The following F5 variants were observed in gnomAD, a reference collection of about 807,000 sequenced individuals.
The protein encoded by F5 is coagulation factor V, also known as activated protein c cofactor.
A neutral mutation model predicts 216.4 loss-of-function variants in F5; 138 were observed. The observed-to-expected ratio is 0.64, with a 90% CI of 0.56 to 0.73. The LOEUF (loss-of-function observed/expected upper bound fraction) is 0.73, where lower values mean the gene tolerates loss of function less well. F5 is among the 30% of genes least tolerant of loss of function. The pLI, the probability that F5 is intolerant of heterozygous loss-of-function variation, is 0.00. For missense variants in F5, 2,403 were observed against 2,674.0 expected (o/e 0.90, Z 2.24); for synonymous variants, 916 against 930.7 (o/e 0.98, Z 0.29).
chr1:169,526,077 T>C lies in F5; in HGVS notation c.5600-60A>G. On this transcript the variant is annotated intron_variant, in intron 17 of 24. Transcript: ENST00000367797. Reference sequence around the variant, plus strand: ...ATTAACAAGTAAATATTGTGGTTGATAGTTCTCTAAGAATCCTAAAATTCC... The same window carrying C: ...ATTAACAAGTAAATATTGTGGTTGACAGTTCTCTAAGAATCCTAAAATTCC... The C allele has an allele frequency of 2.6e-6, 3 of 1,164,038 alleles. No homozygotes were observed. In the Admixed American group the frequency reaches 5.1e-5, roughly 20 times the overall value. The allele number at this position is 1,164,038 out of a possible 1,614,324, so 72.1% of individuals were successfully genotyped here.
At position 169,556,753 on chromosome 1, in the gene F5, T is replaced by C; in HGVS notation, c.845A>G (p.Lys282Arg). ...ACTGACAAGGGTGATGGCTGAGACC[T>C]TATGATGGTTCTGCTCCAGGACCTG... ...NGQVLEQNHHKVSAITLVSAT... is the reference protein window; with the variant it reads ...NGQVLEQNHHRVSAITLVSAT... The change falls in exon 6 of 25, where the codon AAG (lysine) becomes AGG (arginine). Residue 282 changes from lysine (K) to arginine (R), a missense_variant. Physicochemically the swap from Lys to Arg is conservative, Grantham distance 26. Transcript: ENST00000367797. 2.5e-6 allele frequency: 4 copies of C among 1,614,098 alleles called. No homozygotes were observed. The highest frequency in any genetic ancestry group is 3.4e-6 in the Non-Finnish European group (4 of 1,180,000).
Position 169,531,040 on chromosome 1 carries a change from C to T in F5, c.4972-18G>A, listed in dbSNP as rs774456730. 6.3e-7 allele frequency: 1 copy of T among 1,575,316 alleles called. No homozygotes were observed. Among genetic ancestry groups the T allele is most frequent in the Non-Finnish European group, 8.7e-7 (1 of 1,149,066 alleles). ...AAACGAACCTAGGAAAAGGAATGAT[C>T]CACAAATGTACTTAAGCTTAACAAA... On this transcript the variant is annotated intron_variant, in intron 14 of 24. Transcript: ENST00000367797.
chr1:169,576,045 G>T (rs932177714), intron 2 of F5, among the ~76,000 whole-genome samples: 3 of 152,078 alleles, frequency 2.0e-5, no homozygotes, highest in African/African-American at 7.2e-5. Context: ...GGGGCCATGA[G>T]CCCGTGAGTG....
rs532117659 is a variant in F5 at position 169,554,332 on chromosome 1, T to C, written c.1118+850A>G. ...GCTATACTACATCCCAGCTTTTTAA[T>C]TTAATAACATATCTTGGAGAACTTT... On this transcript the variant is annotated intron_variant, in intron 7 of 24. Transcript: ENST00000367797. Among the ~76,000 whole-genome samples the C allele has an allele frequency of 2.1e-4, 32 of 152,364 alleles. 1 individual carries two copies. In the South Asian group the frequency reaches 6.6e-3, roughly 32 times the overall value.
intron 6 of F5, among the ~76,000 whole-genome samples, chr1:169,555,968 A>G (rs192839288): frequency 1.3e-5 from 2 of 152,304 alleles, no homozygotes; most frequent in Admixed American, 6.5e-5. Context: ...ATGATTTCCT[A>G]TTGTGATATC....
intron 2 of F5, among the ~76,000 whole-genome samples, chr1:169,573,284 C>G (rs1425430386): frequency 2.0e-5 from 3 of 152,146 alleles, no homozygotes; most frequent in African/African-American, 7.2e-5. Flanking sequence ...AAATGAAAAA[C>G]CACTTTGTAC....
rs1187931015 is a variant in F5, at chr1:169,556,639, T to C, written c.952+7A>G. 6.2e-7 allele frequency: 1 copy of C among 1,613,434 alleles called. No homozygotes were observed. The highest frequency in any genetic ancestry group is 1.1e-5 in the South Asian group (1 of 91,052). ...TGAGAAGCAAGACTGTCAGGAGAGT[T>C]TCTTGCCTTGCAAATGTTTTGGGGT... is the stretch of plus-strand genomic sequence containing the variant. On this transcript the variant is annotated splice_region_variant and intron_variant, in intron 6 of 24. Coordinates refer to ENST00000367797, the MANE Select transcript of F5 (RefSeq NM_000130.5).
chr1:169,572,299 T>G lies in F5; in HGVS notation c.295A>C (p.Lys99Gln), dbSNP rs1298868363. 2.5e-6 allele frequency: 4 copies of G among 1,613,420 alleles called. No homozygotes were observed. Among genetic ancestry groups the G allele is most frequent in the Non-Finnish European group, 3.4e-6 (4 of 1,179,684 alleles). ...TCTGCCTTATTTTTAAAGTGAACTT[T>G]TATGATGTCTCCGACTTCAGCATAT... ...TLYAEVGDII[K>Q]VHFKNKADKP... The change falls in exon 3 of 25, where the codon AAA becomes CAA. Residue 99 changes from lysine to glutamine, a missense_variant. Lys to Gln is a moderately conservative substitution (Grantham distance 53). Around this residue, in one of 4 missense-constraint regions of F5, gnomAD observed 1,425 missense variants for 1,554.8 expected, o/e 0.92. Transcript: ENST00000367797.
chr1:169,528,228 G>A, intron 16 of F5, 134 bp from the exon 17 acceptor site: 1 of 1,062,918 alleles, frequency 9.4e-7, no homozygotes, highest in Non-Finnish European at 1.4e-6. Flanking sequence ...CCTAGCCATG[G>A]AAAGGGCCCT....
At chr1:169,538,101 A>G (rs1659749163) in intron 13 of F5, among the ~76,000 whole-genome samples, 1 of 152,154 alleles carries the variant, frequency 6.6e-6, no homozygotes, top group Admixed American at 6.6e-5. Context: ...AAATGAATGG[A>G]TTTCTTAAAT....
rs750096682 is a variant in F5, at chr1:169,542,158, CA to C, written c.2931del (p.Asn977LysfsTer35). On this transcript the variant is annotated frameshift_variant, in exon 13 of 25. Transcript: ENST00000367797. LOFTEE classifies it high-confidence loss of function. ...AVNNWLISPQ[N>X]ASRAWGESTP... ...GTGCTTTCTCCCCAAGCACGTGAGG[CA>C]TTCTGGGGGCTGATCAGCCAATTGT... The C allele has an allele frequency of 6.2e-7, 1 of 1,614,076 alleles. No homozygotes were observed. The highest frequency in any genetic ancestry group is 8.5e-7 in the Non-Finnish European group (1 of 1,179,976).
intron 3 of F5, among the ~76,000 whole-genome samples, chr1:169,568,002 G>A (rs773387389): frequency 2.4e-4 from 36 of 152,098 alleles, no homozygotes; most frequent in Non-Finnish European, 3.8e-4. Context: ...GAACCTATCT[G>A]TAAACAATCA....
intron 9 of F5, among the ~76,000 whole-genome samples, chr1:169,550,299 C>CCCCCCCCCCCCCG (rs1553221195): frequency 8.2e-6 from 1 of 121,528 alleles, no homozygotes; most frequent in Non-Finnish European, 1.8e-5. Flanking sequence ...CCCCCCCCCC[C>CCCCCCCCCCCCCG]CGACAGGCCC....
At chr1:169,540,062 T>C (rs749841956) in intron 13 of F5, among the ~76,000 whole-genome samples, 25 of 152,146 alleles carry the variant, frequency 1.6e-4, no homozygotes, top group Non-Finnish European at 3.4e-4. Flanking sequence ...AATGCTTAAT[T>C]ACAGAATATT....
chr1:169,576,476 G>A (rs1443896185), intron 2 of F5, among the ~76,000 whole-genome samples: 3 of 152,140 alleles, frequency 2.0e-5, no homozygotes, highest in Non-Finnish European at 4.4e-5. Context: ...GTAGGAATCG[G>A]GGGACAAAGG....
At position 169,541,703 on chromosome 1, in the gene F5, T is replaced by G; in HGVS notation, c.3387A>C (p.Thr1129=). The G allele has an allele frequency of 1.2e-6, 2 of 1,613,996 alleles. No homozygotes were observed. Among genetic ancestry groups the G allele is most frequent in the African/African-American group, 2.7e-5 (2 of 75,016 alleles). ...QTVPPEEHYQ[T]FPIQDPDQMH... is the part of the protein sequence containing the mutation. The stretch of plus-strand genomic sequence containing the variant: ...TTTGATCAGGGTCTTGAATGGGGAA[T>G]GTTTGATAGTGTTCCTCTGGGGGCA... Residue 1129 remains threonine, a synonymous_variant, in exon 13 of 25, where the codon ACA becomes ACC. Coordinates refer to ENST00000367797, the MANE Select transcript of F5 (RefSeq NM_000130.5).
chr1:169,519,127 G>A lies in F5; in HGVS notation c.6194-564C>T, dbSNP rs116537005. ...TAGGCAGCAAGGCAGACCTGTGACT[G>A]TAAGAAACACAGCTAGTGAGTGAAC... On this transcript the variant is annotated intron_variant, in intron 22 of 24. Coordinates refer to ENST00000367797, the MANE Select transcript of F5 (RefSeq NM_000130.5). Among the ~76,000 whole-genome samples, 478 of 152,266 alleles carry A rather than the reference G, an allele frequency of 3.1e-3. 1 individual carries two copies. Among genetic ancestry groups the A allele is most frequent in the Non-Finnish European group, 5.8e-3 (392 of 68,012 alleles).
chr1:169,568,758 C>T (rs1190398281), intron 3 of F5, among the ~76,000 whole-genome samples: 1 of 152,062 alleles, frequency 6.6e-6, no homozygotes, highest in Non-Finnish European at 1.5e-5. Context: ...TAATTACTTG[C>T]CAAAGGCTCT....
At chr1:169,515,841 A>G in intron 23 of F5, 1 of 565,140 alleles carries the variant, frequency 1.8e-6, no homozygotes, top group Non-Finnish European at 3.1e-6. Context: ...TTGTACTATA[A>G]TTGTTTCCTT....
Sources: allele counts gnomAD v4.1 joint callset (sites outside exome capture counted in the v4.1 genomes callset), GRCh38; gene constraint gnomAD v4.1.1; regional missense constraint gnomAD v4.1.1; transcripts MANE v1.5; gene names NCBI Gene and HGNC (gene_info 2026-07-23, HGNC 2026-07-21).